The following LIMS4 variants were observed in gnomAD, a reference collection of about 807,000 sequenced individuals.
LIMS4 encodes the protein LIM zinc finger domain containing 4.
the LIMS4 span, chr2:110,375,194 A>AT: frequency 2.0e-5 from 2 of 99,170 alleles, no homozygotes; most frequent in African/African-American, 3.9e-5. Context: ...ATATATATAT[A>AT]AAAAATTCAA....
chr2:110,387,487 TA>T, the LIMS4 span: 2 of 420,108 alleles, frequency 4.8e-6, no homozygotes, highest in Non-Finnish European at 8.6e-6. Context: ...TTTATAAAAA[TA>T]AAGGATAGAA....
At chr2:110,372,902 GC>G in the LIMS4 span, among the ~76,000 whole-genome samples, 1 of 139,476 alleles carries the variant, frequency 7.2e-6, no homozygotes, top group African/African-American at 3.3e-5. Flanking sequence ...GGCAGGCCCA[GC>G]TCCTTGCCAG....
the LIMS4 span, among the ~76,000 whole-genome samples, chr2:110,382,142 TATATATATAC>T: frequency 9.6e-5 from 9 of 94,054 alleles, no homozygotes; most frequent in Admixed American, 8.4e-4. Flanking sequence ...TATATATATA[TATATATATAC>T]ATGTTTGAAC....
chr2:110,360,704 C>T, the LIMS4 span: 163 of 1,604,260 alleles, frequency 1.0e-4, no homozygotes, highest in East Asian at 2.7e-3. Flanking sequence ...AAAGTTTTTG[C>T]GCACACTTTG....
At chr2:110,367,951 T>A in the LIMS4 span, among the ~76,000 whole-genome samples, 2 of 145,502 alleles carry the variant, frequency 1.4e-5, no homozygotes, top group South Asian at 4.3e-4. Context: ...TGATACACTT[T>A]AAAGTGCTTA....
At chr2:110,395,863 G>A in the LIMS4 span, among the ~76,000 whole-genome samples, 2 of 129,828 alleles carry the variant, frequency 1.5e-5, no homozygotes, top group African/African-American at 6.8e-5. Flanking sequence ...CCACCGACCT[G>A]TGCAGGGCCC....
the LIMS4 span, among the ~76,000 whole-genome samples, chr2:110,368,866 CT>C: frequency 1.4e-5 from 2 of 145,018 alleles, no homozygotes; most frequent in African/African-American, 5.3e-5. Flanking sequence ...CTCAAATAAA[CT>C]CTGCTAAATT....
chr2:110,379,222 G>C, the LIMS4 span, among the ~76,000 whole-genome samples: 1 of 151,746 alleles, frequency 6.6e-6, no homozygotes, highest in South Asian at 2.1e-4. Flanking sequence ...TTGCTTGCTT[G>C]CTTGCTTGTT....
chr2:110,371,644 G>C, the LIMS4 span, among the ~76,000 whole-genome samples: 1 of 138,962 alleles, frequency 7.2e-6, no homozygotes. Flanking sequence ...AGTCTAGGGA[G>C]ATGACTCATC....
At chr2:110,395,946 G>A in the LIMS4 span, among the ~76,000 whole-genome samples, 2 of 141,446 alleles carry the variant, frequency 1.4e-5, 1 homozygote, top group East Asian at 4.1e-4. Flanking sequence ...GTCCTAAAGA[G>A]ACATGCACTA....
At chr2:110,371,238 A>G in the LIMS4 span, among the ~76,000 whole-genome samples, 1 of 63,306 alleles carries the variant, frequency 1.6e-5, no homozygotes. Flanking sequence ...TATTAATGAG[A>G]AAAAAAAAAA....
the LIMS4 span, among the ~76,000 whole-genome samples, chr2:110,371,241 A>G: frequency 3.1e-5 from 3 of 98,040 alleles, no homozygotes; most frequent in Non-Finnish European, 6.4e-5. Flanking sequence ...TAATGAGAAA[A>G]AAAAAAAAAA....
chr2:110,425,294 G>A, the LIMS4 span, among the ~76,000 whole-genome samples: 1 of 142,680 alleles, frequency 7.0e-6, no homozygotes, highest in East Asian at 2.0e-4. Context: ...GATGAAGGAT[G>A]GCTTGAGCTT....
chr2:110,443,047 C>CT (rs1229391555), downstream of LIMS4, among the ~76,000 whole-genome samples: 35 of 117,124 alleles, frequency 3.0e-4, no homozygotes, highest in South Asian at 1.2e-3. Context: ...TATGCTGATG[C>CT]TTTTTTTTTT....
At chr2:110,425,319 G>T in the LIMS4 span, among the ~76,000 whole-genome samples, 2 of 142,170 alleles carry the variant, frequency 1.4e-5, 1 homozygote, top group Admixed American at 1.4e-4. Flanking sequence ...GGTTGAGGCT[G>T]CAGTGAGTGG....
At chr2:110,368,780 T>C in the LIMS4 span, among the ~76,000 whole-genome samples, 1 of 136,392 alleles carries the variant, frequency 7.3e-6, no homozygotes, top group Non-Finnish European at 1.5e-5. Flanking sequence ...AAATATAACC[T>C]GCACATACGG....
chr2:110,367,490 A>G, the LIMS4 span, among the ~76,000 whole-genome samples: 1 of 141,276 alleles, frequency 7.1e-6, no homozygotes, highest in South Asian at 2.2e-4. Context: ...AGGGCTTCCT[A>G]TTCAATAAAT....
At chr2:110,397,505 T>C in the LIMS4 span, 24 of 107,662 alleles carry the variant, frequency 2.2e-4, no homozygotes, top group African/African-American at 8.5e-4. Flanking sequence ...ATACCACCAG[T>C]TGAAGTCATA....
the LIMS4 span, among the ~76,000 whole-genome samples, chr2:110,410,526 T>TGA: frequency 7.9e-4 from 95 of 120,538 alleles, no homozygotes; most frequent in Middle Eastern, 7.6e-3. Flanking sequence ...CGAAGAGAAC[T>TGA]GAGAGAGAGA....
Sources: gnomAD v4.1 joint callset for allele counts (sites outside exome capture counted in the v4.1 genomes callset) on GRCh38, gnomAD v4.1.1 for gene constraint, MANE v1.5 for transcripts, NCBI Gene and HGNC (gene_info 2026-07-23, HGNC 2026-07-21) for gene names.